The following FILIP1 variants were observed in gnomAD, a reference collection of about 807,000 sequenced individuals.
The protein encoded by FILIP1 is filamin-A-interacting protein 1.
Under a neutral mutation model 102.1 loss-of-function variants are expected in FILIP1, and 61 were observed. The ratio of observed to expected loss-of-function variants is 0.60; its 90% CI spans 0.49 to 0.74. The LOEUF (loss-of-function observed/expected upper bound fraction) is 0.74. FILIP1 is among the 30% of genes least tolerant of loss of function. FILIP1 has a pLI of 0.00. For missense variants in FILIP1, 1,314 were observed against 1,441.2 expected, an observed-to-expected ratio of 0.91 and a Z score of 1.43; for synonymous variants, 491 against 526.9, an observed-to-expected ratio of 0.93 and a Z score of 0.93.
chr6:75,297,057 A>C (rs1478615262), intron 6 of FILIP1: 3 of 152,250 alleles, frequency 2.0e-5, no homozygotes, highest in East Asian at 3.9e-4. Flanking sequence ...GGGGAAAGAA[A>C]ATATTCAAAC....
At chr6:75,357,869 A>G (rs1775055277) in intron 3 of FILIP1, among the ~76,000 whole-genome samples, 1 of 152,188 alleles carries the variant, frequency 6.6e-6, no homozygotes, top group East Asian at 1.9e-4. Context: ...ACTATATCCC[A>G]TAACTATAGA....
intron 1 of FILIP1, among the ~76,000 whole-genome samples, chr6:75,444,145 T>C (rs531457906): frequency 9.8e-5 from 15 of 152,358 alleles, no homozygotes; most frequent in African/African-American, 3.6e-4. Context: ...AAAGGCAGCA[T>C]TGATCCCACC....
rs33981073 is a variant in FILIP1, at chr6:75,406,661, CT to C, written c.276+8035del. Among the ~76,000 whole-genome samples, 335 of 132,926 alleles carry C rather than the reference CT, an allele frequency of 2.5e-3. 1 individual carries two copies. Among genetic ancestry groups the C allele is most frequent in the Non-Finnish European group, 2.7e-3 (170 of 63,752 alleles). 87.2% of individuals were successfully genotyped at this position (132,926 alleles called of 152,430 possible). The stretch of plus-strand genomic sequence containing the variant: ...TCAAATCTCTCGAATAGCAATGTTT[CT>C]TTTTTTTTTTTTTTTCAGACGGAGT... On this transcript the variant is annotated intron_variant, in intron 2 of 5. Coordinates refer to ENST00000237172, the MANE Select transcript of FILIP1 (RefSeq NM_015687.5).
rs139926261 is a variant in FILIP1 at position 75,391,625 on chromosome 6, T to C, written c.276+23072A>G. ...TCTAATTAACACAAACTTCTTACTT[T>C]AGTCACTAAATCCCATCCTCTTTTG... is the stretch of plus-strand genomic sequence containing the variant. On this transcript the variant is annotated intron_variant, in intron 2 of 5. Transcript: ENST00000237172. Among the ~76,000 whole-genome samples, 462 of 152,316 alleles carry C rather than the reference T, an allele frequency of 3.0e-3. 4 individuals carry two copies. The highest frequency in any genetic ancestry group is 0.011 in the African/African-American group (444 of 41,586).
chr6:75,311,336 C>T (rs1351487814), intron 5 of FILIP1, among the ~76,000 whole-genome samples: 2 of 137,390 alleles, frequency 1.5e-5, no homozygotes, highest in African/African-American at 5.4e-5. Context: ...GTGTGCACCA[C>T]TACACCCAGC....
At chr6:75,338,899 G>A (rs541736072) in intron 4 of FILIP1, among the ~76,000 whole-genome samples, 1 of 152,218 alleles carries the variant, frequency 6.6e-6, no homozygotes, top group African/African-American at 2.4e-5. Context: ...TAATACAGTT[G>A]CTTCTATAAC....
At chr6:75,438,216 T>A (rs891888956) in intron 1 of FILIP1, among the ~76,000 whole-genome samples, 4 of 152,154 alleles carry the variant, frequency 2.6e-5, no homozygotes, top group Non-Finnish European at 5.9e-5. Flanking sequence ...AGGTTATATA[T>A]AAATAGTGAA....
At chr6:75,426,274 T>G (rs1298886402) in intron 1 of FILIP1, among the ~76,000 whole-genome samples, 1 of 152,132 alleles carries the variant, frequency 6.6e-6, no homozygotes, top group South Asian at 2.1e-4. Context: ...TGCCACTTCT[T>G]CTCTTCCAGA....
At chr6:75,358,108 G>C (rs1775061822) in intron 3 of FILIP1, among the ~76,000 whole-genome samples, 1 of 151,814 alleles carries the variant, frequency 6.6e-6, no homozygotes, top group African/African-American at 2.4e-5. Flanking sequence ...GAGTGTACCT[G>C]GAAGTCTTAT....
chr6:75,292,784 A>C, exon 7 of FILIP1: 1 of 152,226 alleles, frequency 6.6e-6, no homozygotes, highest in South Asian at 2.1e-4. Context: ...TACTTTTGCT[A>C]TGTTTTTTTC....
At chr6:75,370,710 G>C (rs1166070942) in intron 2 of FILIP1, among the ~76,000 whole-genome samples, 2 of 151,424 alleles carry the variant, frequency 1.3e-5, no homozygotes, top group East Asian at 3.9e-4. Flanking sequence ...CCCAGTAGCT[G>C]GGATTACAGG....
At position 75,329,305 on chromosome 6, in the gene FILIP1, C is replaced by T. The variant is rs368148565; in HGVS notation, c.630-14103G>A. Reference sequence around the variant, plus strand: ...TTCAGGGCTCCTTTTGCCCAACATTCTTGACACTCCCACTTTTCAACCACA... The same window carrying T: ...TTCAGGGCTCCTTTTGCCCAACATTTTTGACACTCCCACTTTTCAACCACA... On this transcript the variant is annotated intron_variant, in intron 4 of 5. Coordinates refer to ENST00000237172, the MANE Select transcript of FILIP1 (RefSeq NM_015687.5). 4.3e-4 allele frequency among the ~76,000 whole-genome samples: 66 copies of T among 152,294 alleles called. No homozygotes were observed. In the Middle Eastern group the frequency reaches 0.017, roughly 39 times the overall value.
chr6:75,431,957 T>A (rs1354697202), intron 1 of FILIP1, among the ~76,000 whole-genome samples: 4 of 152,206 alleles, frequency 2.6e-5, no homozygotes, highest in Non-Finnish European at 5.9e-5. Flanking sequence ...ATAAAGTTTC[T>A]CTTCTAAGGA....
At chr6:75,324,480 G>A (rs1003669762) in intron 4 of FILIP1, among the ~76,000 whole-genome samples, 7 of 152,016 alleles carry the variant, frequency 4.6e-5, no homozygotes, top group African/African-American at 1.7e-4. Context: ...CTCAGGGACG[G>A]GTAGAATCAA....
chr6:75,386,581 G>A (rs1427579983), intron 2 of FILIP1, among the ~76,000 whole-genome samples: 1 of 152,184 alleles, frequency 6.6e-6, no homozygotes, highest in African/African-American at 2.4e-5. Flanking sequence ...AGCGGGATGA[G>A]TTCTCAAGGC....
At chr6:75,393,762 T>G (rs1209425778) in intron 2 of FILIP1, among the ~76,000 whole-genome samples, 1 of 152,254 alleles carries the variant, frequency 6.6e-6, no homozygotes, top group Non-Finnish European at 1.5e-5. Context: ...AGCCTGAGAT[T>G]CTGCAAATTA....
exon 7 of FILIP1, chr6:75,294,820 G>C (rs1772628229): frequency 7.0e-6 from 1 of 142,166 alleles, no homozygotes. Context: ...AGACTCCCAA[G>C]TAGCTAGGAC....
intron 1 of FILIP1, among the ~76,000 whole-genome samples, chr6:75,453,370 A>G (rs1778703689): frequency 6.6e-6 from 1 of 152,236 alleles, no homozygotes; most frequent in Non-Finnish European, 1.5e-5. Flanking sequence ...TGCTTCAACT[A>G]GATTTTTAAA....
intron 4 of FILIP1, chr6:75,319,064 C>A: frequency 1.4e-6 from 1 of 736,290 alleles, no homozygotes; most frequent in South Asian, 1.4e-5. Context: ...TCTTCATCTT[C>A]TTCACCTTCT....
Sources: allele counts gnomAD v4.1 joint callset (sites outside exome capture counted in the v4.1 genomes callset), GRCh38; gene constraint gnomAD v4.1.1; transcripts MANE v1.5; gene names NCBI Gene and HGNC (gene_info 2026-07-23, HGNC 2026-07-21).